Variants in PACSIN1 observed in about 807,000 individuals in gnomAD.
PACSIN1 encodes protein kinase C and casein kinase substrate in neurons 1.
In PACSIN1, 15 loss-of-function variants were observed where a neutral mutation model predicts 59.5. The ratio of observed to expected loss-of-function variants is 0.25; its 90% CI spans 0.17 to 0.39. The LOEUF (loss-of-function observed/expected upper bound fraction) is 0.39, where lower values mean the gene tolerates loss of function less well. Ranked by LOEUF, PACSIN1 falls within the 10% of genes least tolerant of loss-of-function variation. The pLI is 1.00. For missense variants in PACSIN1, 420 were observed against 580.2 expected (o/e 0.72, Z 2.84); for synonymous variants, 210 against 220.6 (o/e 0.95, Z 0.42).
chr6:34,522,375 C>T (rs538180257), intron 1 of PACSIN1, among the ~76,000 whole-genome samples: 23 of 152,342 alleles, frequency 1.5e-4, no homozygotes, highest in Admixed American at 1.1e-3. Context: ...ACTCGGTAAA[C>T]GCCAGCTAGT....
chr6:34,490,073 G>GT (rs141584809), intron 1 of PACSIN1, among the ~76,000 whole-genome samples: 27,318 of 147,548 alleles, frequency 0.19, 2,776 homozygotes, highest in Non-Finnish European at 0.24. Flanking sequence ...GTTCTCTCTT[G>GT]TTTTTTTTTT....
At chr6:34,496,527 C>G (rs1766949648) in intron 1 of PACSIN1, among the ~76,000 whole-genome samples, 1 of 152,264 alleles carries the variant, frequency 6.6e-6, no homozygotes, top group Non-Finnish European at 1.5e-5. Context: ...TTCAGCTGCG[C>G]TGGCTGGAGA....
Position 34,531,656 on chromosome 6 carries a change from G to T in PACSIN1, c.1094G>T (p.Ser365Ile). The T allele has an allele frequency of 6.2e-7, 1 of 1,614,046 alleles. No homozygotes were observed. The highest frequency in any genetic ancestry group is 8.5e-7 in the Non-Finnish European group (1 of 1,180,026). ...PYATEWSDDESGNPFGGSETN... is the reference protein window; with the variant it reads ...PYATEWSDDEIGNPFGGSETN... ...GCCACCGAGTGGTCAGACGACGAGA[G>T]TGGGAACCCCTTTGGGGGCAGTGAG... The change falls in exon 9 of 10, where the codon AGT becomes ATT. Residue 365 changes from serine to isoleucine, a missense_variant. Transcript: ENST00000244458. This position sits in a 1 kb window ranked among gnomAD's most constrained non-coding sequence, Gnocchi z 4.4.
At chr6:34,505,041 C>G (rs186383209) in intron 1 of PACSIN1, among the ~76,000 whole-genome samples, 1 of 151,536 alleles carries the variant, frequency 6.6e-6, no homozygotes, top group African/African-American at 2.4e-5. Flanking sequence ...GTTGGAGTGT[C>G]GTGGCACAAT....
In PACSIN1 at chr6:34,528,616, C is replaced by A. The variant is rs776412963; in HGVS notation, c.221-26C>A. On this transcript the variant is annotated intron_variant, in intron 3 of 9. Transcript: ENST00000244458. ...GCCTCTGGGCAGGGGCAATGAGGTT[C>A]TTGTGACCTATTGCCATTCCCTCAG... The A allele has an allele frequency of 1.9e-6, 3 of 1,578,232 alleles. No individual in the cohort carries two copies. In the South Asian group the frequency reaches 3.3e-5, roughly 17 times the overall value.
intron 1 of PACSIN1, among the ~76,000 whole-genome samples, chr6:34,498,788 C>A (rs1766983096): frequency 9.5e-6 from 1 of 104,764 alleles, no homozygotes; most frequent in African/African-American, 4.2e-5. Context: ...CAAAGCAAGA[C>A]TTTGTCTCAA....
intron 1 of PACSIN1, among the ~76,000 whole-genome samples, chr6:34,511,232 T>A (rs1767197818): frequency 6.6e-6 from 1 of 152,220 alleles, no homozygotes. Context: ...GACACCAGCT[T>A]CATTTTGCAG....
At chr6:34,512,422 A>C (rs756448417) in intron 1 of PACSIN1, among the ~76,000 whole-genome samples, 117 of 152,010 alleles carry the variant, frequency 7.7e-4, no homozygotes, top group Non-Finnish European at 1.5e-3. Flanking sequence ...GAGAAAGATG[A>C]TCCAGGGCTG....
At chr6:34,476,481 G>A (rs73405674) in intron 1 of PACSIN1, among the ~76,000 whole-genome samples, 6,157 of 146,674 alleles carry the variant, frequency 0.042, 137 homozygotes, top group Non-Finnish European at 0.05. Context: ...CAGCTCCATC[G>A]GACACTGGGC....
chr6:34,523,763 G>A (rs1486144354), intron 1 of PACSIN1, among the ~76,000 whole-genome samples: 1 of 152,208 alleles, frequency 6.6e-6, no homozygotes, highest in Non-Finnish European at 1.5e-5. Flanking sequence ...CCTGCCCCTA[G>A]GGTGGGGGTG....
chr6:34,470,888 G>A (rs573936874), intron 1 of PACSIN1, among the ~76,000 whole-genome samples: 27 of 152,242 alleles, frequency 1.8e-4, no homozygotes, highest in African/African-American at 6.3e-4. Context: ...ATAAAAAACT[G>A]TATTTGTCAT....
In PACSIN1 at chr6:34,484,519, T is replaced by C. The variant is rs566477713; in HGVS notation, c.-64+18249T>C. Among the ~76,000 whole-genome samples, 10 of 152,280 alleles carry C rather than the reference T, an allele frequency of 6.6e-5. No homozygotes were observed. In the East Asian group the frequency reaches 1.4e-3, roughly 21 times the overall value. On this transcript the variant is annotated intron_variant, in intron 1 of 9. Coordinates refer to ENST00000244458, the MANE Select transcript of PACSIN1 (RefSeq NM_020804.5). ...CAGGCAACTTTTCTGTATGATACTA[T>C]GATGGTAGATACATGTCATCAACAT...
chr6:34,528,906 G>A (rs1368109645), intron 4 of PACSIN1, 29 bp downstream of exon 4: 1 of 1,340,282 alleles, frequency 7.5e-7, no homozygotes, highest in Admixed American at 1.7e-5. Context: ...CACGGGCGGG[G>A]TGGGGTGGGC....
At chr6:34,503,680 G>A (rs775281181) in intron 1 of PACSIN1, among the ~76,000 whole-genome samples, 1 of 152,104 alleles carries the variant, frequency 6.6e-6, no homozygotes, top group Non-Finnish European at 1.5e-5. Flanking sequence ...GCCCTGAATC[G>A]ACCCTTTGCC....
rs1767560919 is a variant in PACSIN1 at position 34,529,964 on chromosome 6, G to A, written c.788+123G>A. ...GGGGAGGCAGAGCTGCAGGGGTCAA[G>A]AAGGATGAGGCTTCAAACACAGGGG... On this transcript the variant is annotated intron_variant, in intron 6 of 9. Coordinates refer to ENST00000244458, the MANE Select transcript of PACSIN1 (RefSeq NM_020804.5). The surrounding 1 kb of genome is among the most constrained non-coding windows in gnomAD (Gnocchi z 6.3). 1 of 1,151,914 alleles carries A rather than the reference G, an allele frequency of 8.7e-7. No homozygotes were observed. Among genetic ancestry groups the A allele is most frequent in the Non-Finnish European group, 1.2e-6 (1 of 815,224 alleles). The allele number at this position is 1,151,914 out of a possible 1,614,324, so 71.4% of individuals were successfully genotyped here.
intron 1 of PACSIN1, among the ~76,000 whole-genome samples, chr6:34,500,499 C>T (rs76471424): frequency 0.013 from 1,921 of 152,242 alleles, 53 homozygotes; most frequent in East Asian, 0.12. Context: ...TAAACTGTGC[C>T]GTCAACTTGG....
At chr6:34,524,119 C>T (rs1027372236) in intron 1 of PACSIN1, among the ~76,000 whole-genome samples, 1 of 152,156 alleles carries the variant, frequency 6.6e-6, no homozygotes, top group Non-Finnish European at 1.5e-5. Flanking sequence ...ACGTTACCTG[C>T]CAATACCAAG....
At chr6:34,482,584 A>G (rs189436491) in intron 1 of PACSIN1, among the ~76,000 whole-genome samples, 3 of 152,094 alleles carry the variant, frequency 2.0e-5, no homozygotes, top group African/African-American at 4.8e-5. Flanking sequence ...AAGAACATTT[A>G]TATGCATGTT....
At chr6:34,524,198 G>A (rs1452192184) in intron 1 of PACSIN1, among the ~76,000 whole-genome samples, 2 of 152,176 alleles carry the variant, frequency 1.3e-5, no homozygotes, top group Non-Finnish European at 2.9e-5. Context: ...AGTGGTCTCA[G>A]CCATTGGGTA....
Sources: allele counts gnomAD v4.1 joint callset (sites outside exome capture counted in the v4.1 genomes callset), GRCh38; gene constraint gnomAD v4.1.1; non-coding constraint Gnocchi (gnomAD v3.1); transcripts MANE v1.5; gene names NCBI Gene and HGNC (gene_info 2026-07-23, HGNC 2026-07-21).